Variants in GRIK3 observed in about 807,000 individuals in gnomAD.
GRIK3 encodes the protein glutamate receptor ionotropic, kainate 3.
A neutral mutation model predicts 102.5 loss-of-function variants in GRIK3; 29 were observed. The ratio of observed to expected loss-of-function variants is 0.28; its 90% CI spans 0.21 to 0.39. The LOEUF (loss-of-function observed/expected upper bound fraction) is 0.39. Ranked by LOEUF, GRIK3 falls within the 10% of genes least tolerant of loss-of-function variation. The pLI, the probability that GRIK3 is intolerant of heterozygous loss-of-function variation, is 1.00. For synonymous variants in GRIK3, 511 were observed against 504.9 expected (o/e 1.01, Z -0.16); for missense variants, 908 against 1,252.4 (o/e 0.73, Z 4.15).
intron 1 of GRIK3, among the ~76,000 whole-genome samples, chr1:36,900,705 A>T (rs990116753): frequency 1.3e-5 from 2 of 152,172 alleles, no homozygotes; most frequent in Non-Finnish European, 2.9e-5. Flanking sequence ...TAAAAATTAG[A>T]TCTGAAATCA....
At chr1:36,841,166 T>C (rs896213628) in intron 10 of GRIK3, among the ~76,000 whole-genome samples, 1 of 152,064 alleles carries the variant, frequency 6.6e-6, no homozygotes, top group African/African-American at 2.4e-5. Context: ...ACCTGCCTGC[T>C]TGGGCTCCCA....
chr1:37,022,247 C>A (rs1276027720), intron 1 of GRIK3, among the ~76,000 whole-genome samples: 1 of 152,184 alleles, frequency 6.6e-6, no homozygotes, highest in Non-Finnish European at 1.5e-5. Flanking sequence ...AGCAATGGCC[C>A]AGCCACATTT....
chr1:36,878,752 CTGGGTGACAGTGCACAGGGCA>C (rs1640935210), intron 3 of GRIK3, among the ~76,000 whole-genome samples: 1 of 152,236 alleles, frequency 6.6e-6, no homozygotes, highest in Admixed American at 6.5e-5. Flanking sequence ...CACTCACTAG[CTGGGTGACAGTGCACAGGGCA>C]TGTCACCTCT....
At chr1:37,007,043 G>A (rs59498211) in intron 1 of GRIK3, among the ~76,000 whole-genome samples, 4,836 of 152,276 alleles carry the variant, frequency 0.032, 253 homozygotes, top group African/African-American at 0.11. Context: ...GATGGGAATG[G>A]AGGCAGGGAG....
In GRIK3 at chr1:36,859,858, C is replaced by T. The variant is rs753550214; in HGVS notation, c.946G>A (p.Asp316Asn). The change falls in exon 6 of 16, where the codon GAT becomes AAT. Residue 316 changes from aspartate to asparagine, a missense_variant. This residue lies in a region of GRIK3 where 585 missense variants were observed against 824.9 expected (regional missense o/e 0.71). Coordinates refer to ENST00000373091, the MANE Select transcript of GRIK3 (RefSeq NM_000831.4). The stretch of plus-strand genomic sequence containing the variant: ...AGCCGCCTTACCATCATCACTCCAT[C>T]CAGCAGGCCAGACTCGGACCGGGGA... The part of the protein sequence containing the change: ...AAPRSESGLL[D>N]GVMMTDAALL... 3.7e-6 allele frequency: 6 copies of T among 1,613,712 alleles called. No individual in the cohort carries two copies. The highest frequency in any genetic ancestry group is 8.5e-7 in the Non-Finnish European group (1 of 1,179,788).
intron 7 of GRIK3, among the ~76,000 whole-genome samples, chr1:36,857,531 C>T (rs1640666785): frequency 6.6e-6 from 1 of 152,150 alleles, no homozygotes; most frequent in South Asian, 2.1e-4. Context: ...TGAATTCATC[C>T]CTCACAATAA....
chr1:36,894,064 T>C (rs1355696095), intron 1 of GRIK3, among the ~76,000 whole-genome samples: 1 of 152,234 alleles, frequency 6.6e-6, no homozygotes, highest in African/African-American at 2.4e-5. Context: ...TTTTAAAGTG[T>C]ACAATGATTT....
chr1:36,826,933 G>T (rs190722188), intron 10 of GRIK3, among the ~76,000 whole-genome samples: 1 of 152,086 alleles, frequency 6.6e-6, no homozygotes, highest in Non-Finnish European at 1.5e-5. Flanking sequence ...CCTCCCCCAT[G>T]AGGCCCCAAT....
chr1:36,992,391 G>C (rs1189538915), intron 1 of GRIK3, among the ~76,000 whole-genome samples: 1 of 152,140 alleles, frequency 6.6e-6, no homozygotes, highest in Non-Finnish European at 1.5e-5. Context: ...AGGGCAACAG[G>C]GAGGCATGGA....
At chr1:36,904,238 TAA>T (rs1484038651) in intron 1 of GRIK3, among the ~76,000 whole-genome samples, 1 of 152,272 alleles carries the variant, frequency 6.6e-6, no homozygotes, top group Admixed American at 6.5e-5. Flanking sequence ...TTGTAACACT[TAA>T]GTGTGTACGC....
intron 13 of GRIK3, among the ~76,000 whole-genome samples, chr1:36,813,132 A>G (rs1170754546): frequency 6.6e-6 from 1 of 152,252 alleles, no homozygotes; most frequent in Non-Finnish European, 1.5e-5. Flanking sequence ...CACTAGAGCC[A>G]GGTTGCTTGG....
At chr1:36,973,924 G>A (rs763947682) in intron 1 of GRIK3, among the ~76,000 whole-genome samples, 2 of 152,164 alleles carry the variant, frequency 1.3e-5, no homozygotes, top group African/African-American at 2.4e-5. Flanking sequence ...AGCCCCTCAT[G>A]AGAAAGCAGG....
At chr1:36,948,543 G>A (rs1641808770) in intron 1 of GRIK3, among the ~76,000 whole-genome samples, 1 of 152,184 alleles carries the variant, frequency 6.6e-6, no homozygotes, top group African/African-American at 2.4e-5. Flanking sequence ...CTGCCTCCAT[G>A]CACCTCACAA....
At position 36,856,672 on chromosome 1, in the gene GRIK3, G is replaced by A. The variant is rs74323655; in HGVS notation, c.1104+2436C>T. ...TGTCCATGGATGTAAAATGGAGATA[G>A]GATAAATGTTTCTGAAAGGGTTCTG... On this transcript the variant is annotated intron_variant, in intron 7 of 15. Coordinates refer to ENST00000373091, the MANE Select transcript of GRIK3 (RefSeq NM_000831.4). 6.6e-4 allele frequency among the ~76,000 whole-genome samples: 101 copies of A among 152,302 alleles called. 3 individuals are homozygous for A. The South Asian group carries it at 0.014, about 21-fold the overall frequency.
At chr1:36,934,699 A>G (rs140343866) in intron 1 of GRIK3, among the ~76,000 whole-genome samples, 406 of 152,294 alleles carry the variant, frequency 2.7e-3, no homozygotes, top group African/African-American at 8.7e-3. Flanking sequence ...TCCCTGTACT[A>G]AGGTGCACAC....
chr1:37,020,990 C>T lies in GRIK3; in HGVS notation c.115+13004G>A, dbSNP rs1049772651. 3.9e-5 allele frequency among the ~76,000 whole-genome samples: 6 copies of T among 152,142 alleles called. No homozygotes were observed. The East Asian group carries it at 7.7e-4, about 20-fold the overall frequency. On this transcript the variant is annotated intron_variant, in intron 1 of 15. Coordinates refer to ENST00000373091, the MANE Select transcript of GRIK3 (RefSeq NM_000831.4). ...ATATGAATACAATTTGTATTTCTCT[C>T]GCAGTGTGGAAGAGTGTTTCACAGG...
At chr1:37,007,508 C>T (rs1030459967) in intron 1 of GRIK3, among the ~76,000 whole-genome samples, 28 of 152,100 alleles carry the variant, frequency 1.8e-4, no homozygotes, top group African/African-American at 2.4e-4. Flanking sequence ...AGAAAGAGGA[C>T]GAAATGAACA....
Position 36,799,314 on chromosome 1 carries a change from C to T in GRIK3, c.*2537G>A, listed in dbSNP as rs1487251065. ...GTGCAAACAGACCCTGGTGCCCGGC[C>T]TTCCTGATTGTCTGTCTTTGCTTCC... is the stretch of plus-strand genomic sequence containing the variant. On this transcript the variant is annotated 3_prime_UTR_variant, in exon 16 of 16. Transcript: ENST00000373091. 3 of 152,250 alleles carry T rather than the reference C, an allele frequency of 2.0e-5. No individual in the cohort carries two copies. Among genetic ancestry groups the T allele is most frequent in the Admixed American group, 6.5e-5 (1 of 15,284 alleles). 9.4% of individuals were successfully genotyped at this position (152,250 alleles called of 1,614,324 possible).
intron 1 of GRIK3, among the ~76,000 whole-genome samples, chr1:37,020,935 C>T (rs1642704586): frequency 6.6e-6 from 1 of 152,192 alleles, no homozygotes; most frequent in South Asian, 2.1e-4. Flanking sequence ...CCACACGGTG[C>T]ATCTGTTATT....
Sources: gnomAD v4.1 joint callset for allele counts (sites outside exome capture counted in the v4.1 genomes callset) on GRCh38, gnomAD v4.1.1 for gene constraint, gnomAD v4.1.1 regional missense constraint, MANE v1.5 for transcripts, NCBI Gene and HGNC (gene_info 2026-07-23, HGNC 2026-07-21) for gene names.